Variants in NTRK3 observed in about 807,000 individuals in gnomAD.
NTRK3 encodes NT-3 growth factor receptor.
Under a neutral mutation model 91.7 loss-of-function variants are expected in NTRK3, and 24 were observed. The observed-to-expected ratio is 0.26, with a 90% CI of 0.19 to 0.37. The LOEUF is 0.37. NTRK3 is among the 10% of genes least tolerant of loss of function. The pLI is 1.00. For missense variants in NTRK3, 880 were observed against 1,068.9 expected (o/e 0.82, Z 2.46); for synonymous variants, 483 against 404.0 (o/e 1.20, Z -2.34).
At chr15:87,926,713 A>G (rs879930179) in intron 17 of NTRK3, 1 of 152,222 alleles carries the variant, frequency 6.6e-6, no homozygotes, top group Non-Finnish European at 1.5e-5. Flanking sequence ...TAGTTTCAAT[A>G]AATATTAACA....
chr15:87,865,756 C>G lies in NTRK3; in HGVS notation c.*11179G>C, dbSNP rs140243238. On this transcript the variant is annotated 3_prime_UTR_variant, in exon 19 of 19. Coordinates refer to ENST00000394480, the Ensembl canonical transcript of NTRK3. ...AAGATGCCATTTTGCTACAAAATGT[C>G]AGAGTTCCAAGCCTGAAAACAAACT... 6.5e-4 allele frequency: 147 copies of G among 226,550 alleles called. No individual in the cohort carries two copies. The East Asian group carries it at 9.3e-3, about 14-fold the overall frequency. The allele number at this position is 226,550 out of a possible 1,614,324, so 14.0% of individuals were successfully genotyped here. A position where few individuals can be genotyped will look rare whatever the true frequency, so the allele number is the denominator to read the frequency against.
At chr15:87,989,520 G>A (rs2075119680) in intron 14 of NTRK3, among the ~76,000 whole-genome samples, 1 of 152,114 alleles carries the variant, frequency 6.6e-6, no homozygotes, top group Non-Finnish European at 1.5e-5. Flanking sequence ...GGGGGAGGGG[G>A]AGGAATAGCA....
At chr15:87,868,714 T>C (rs1230906909) in exon 19 of NTRK3, 1 of 220,314 alleles carries the variant, frequency 4.5e-6, no homozygotes, top group Non-Finnish European at 9.1e-6. Flanking sequence ...ATGTGGCTGT[T>C]GTGCCACAAT....
At chr15:88,198,243 C>G in intron 3 of NTRK3, among the ~76,000 whole-genome samples, 1 of 152,104 alleles carries the variant, frequency 6.6e-6, no homozygotes, top group East Asian at 1.9e-4. Context: ...TTCCCAGCCA[C>G]CCCCTTCCCA....
At chr15:87,868,745 T>C (rs2064752499) in exon 19 of NTRK3, 1 of 222,518 alleles carries the variant, frequency 4.5e-6, no homozygotes, top group Admixed American at 5.7e-5. Flanking sequence ...AGAGTGAGTC[T>C]GGCTCATTCT....
intron 13 of NTRK3, among the ~76,000 whole-genome samples, chr15:88,088,037 C>T (rs1279595796): frequency 2.6e-5 from 4 of 152,188 alleles, no homozygotes; most frequent in Non-Finnish European, 4.4e-5. Context: ...GGAAACACAG[C>T]AAGTTCCCAC....
At position 88,208,639 on chromosome 15, in the gene NTRK3, G is replaced by A. The variant is rs138872373; in HGVS notation, c.249-24340C>T. 2.6e-5 allele frequency among the ~76,000 whole-genome samples: 4 copies of A among 152,272 alleles called. No individual in the cohort carries two copies. In the East Asian group the frequency reaches 7.8e-4, roughly 30 times the overall value. Reference sequence around the variant, plus strand: ...TGCACAATGCCTGGCCACAGAGTAGGCACTCACAGTGATTTGCTACGTTGA... The same window carrying A: ...TGCACAATGCCTGGCCACAGAGTAGACACTCACAGTGATTTGCTACGTTGA... On this transcript the variant is annotated intron_variant, in intron 3 of 18. Coordinates refer to ENST00000394480, the Ensembl canonical transcript of NTRK3.
chr15:87,954,429 C>T (rs1373584508), intron 14 of NTRK3, among the ~76,000 whole-genome samples: 1 of 152,204 alleles, frequency 6.6e-6, no homozygotes, highest in African/African-American at 2.4e-5. Flanking sequence ...GTCAATTACA[C>T]ATGGATATTC....
Position 87,981,195 on chromosome 15 carries a change from G to A in NTRK3, c.1586-40442C>T, listed in dbSNP as rs1567180778. The A allele has an allele frequency of 5.8e-6, 9 of 1,555,306 alleles. No homozygotes were observed. In the African/African-American group the frequency reaches 9.6e-5, roughly 17 times the overall value. On this transcript the variant is annotated intron_variant, in intron 14 of 18. Transcript: ENST00000394480. Reference sequence around the variant, plus strand: ...ATTGGTTAGGGGAGGGATCTTTACTGCATACAAAGACGTCAAAGGAGGTAA... The same window carrying A: ...ATTGGTTAGGGGAGGGATCTTTACTACATACAAAGACGTCAAAGGAGGTAA...
chr15:87,950,756 G>T (rs2071032898), intron 14 of NTRK3, among the ~76,000 whole-genome samples: 1 of 152,154 alleles, frequency 6.6e-6, no homozygotes, highest in African/African-American at 2.4e-5. Context: ...GCCCATAAAA[G>T]TTCGGGAAGG....
chr15:88,067,234 T>C (rs939864454), intron 13 of NTRK3, among the ~76,000 whole-genome samples: 1 of 152,166 alleles, frequency 6.6e-6, no homozygotes, highest in Non-Finnish European at 1.5e-5. Context: ...CACGCCATTT[T>C]TTTTCACTTC....
chr15:88,033,216 A>ATATATATATGTATAT (rs1567262261), intron 13 of NTRK3, among the ~76,000 whole-genome samples, 171 bp from the exon 14 acceptor site: 2 of 122,012 alleles, frequency 1.6e-5, no homozygotes, highest in African/African-American at 6.4e-5. Flanking sequence ...ATATATATAT[A>ATATATATATGTATAT]AATTCAGTTG....
At chr15:88,144,656 G>A (rs2042716430) in intron 6 of NTRK3, among the ~76,000 whole-genome samples, 1 of 152,104 alleles carries the variant, frequency 6.6e-6, no homozygotes, top group South Asian at 2.1e-4. Context: ...ATGTGATCTT[G>A]AACTACCTGT....
intron 3 of NTRK3, among the ~76,000 whole-genome samples, chr15:88,250,195 A>G (rs140795784): frequency 1.4e-4 from 21 of 152,340 alleles, no homozygotes; most frequent in African/African-American, 4.8e-4. Flanking sequence ...ACGCCCAAGA[A>G]AGAACAGAGC....
chr15:88,069,244 G>A (rs1292787884), intron 13 of NTRK3, among the ~76,000 whole-genome samples: 4 of 152,144 alleles, frequency 2.6e-5, no homozygotes, highest in African/African-American at 9.7e-5. Context: ...AATCCAAAGT[G>A]GCATCACCAT....
At chr15:88,010,863 C>T (rs1324203494) in intron 14 of NTRK3, among the ~76,000 whole-genome samples, 6 of 152,102 alleles carry the variant, frequency 3.9e-5, no homozygotes, top group African/African-American at 1.4e-4. Flanking sequence ...ACTCATTCAC[C>T]TGCCACCACA....
At chr15:87,875,879 G>A (rs1018923406) in exon 19 of NTRK3, 5 of 232,110 alleles carry the variant, frequency 2.2e-5, no homozygotes, top group South Asian at 1.8e-4. Context: ...GGGGGCATTC[G>A]TTATAATGAC....
chr15:88,129,542 A>G (rs979794796), intron 10 of NTRK3, among the ~76,000 whole-genome samples: 2 of 152,220 alleles, frequency 1.3e-5, no homozygotes, highest in African/African-American at 4.8e-5. Flanking sequence ...TTAGCACACA[A>G]CAGAAGCACC....
At chr15:88,041,602 C>T (rs1222269860) in intron 13 of NTRK3, among the ~76,000 whole-genome samples, 1 of 152,146 alleles carries the variant, frequency 6.6e-6, no homozygotes. Context: ...CCCCACTCAG[C>T]CCCAGTCCCT....
Sources: gnomAD v4.1 joint callset for allele counts (sites outside exome capture counted in the v4.1 genomes callset) on GRCh38, gnomAD v4.1.1 for gene constraint, MANE v1.5 for transcripts, NCBI Gene and HGNC (gene_info 2026-07-23, HGNC 2026-07-21) for gene names.